SLA: variants seen among roughly 807,000 people sequenced by gnomAD.
SLA encodes src-like-adapter.
Under a neutral mutation model 30.3 loss-of-function variants are expected in SLA, and 16 were observed. The observed-to-expected ratio is 0.53, with a 90% CI of 0.36 to 0.80. The LOEUF (loss-of-function observed/expected upper bound fraction) is 0.80. SLA is among the 30% of genes least tolerant of loss of function. The pLI, the probability that SLA is intolerant of heterozygous loss-of-function variation, is 0.01. For missense variants in SLA, 310 were observed against 345.2 expected, an observed-to-expected ratio of 0.90 and a Z score of 0.81; for synonymous variants, 143 against 137.8, an observed-to-expected ratio of 1.04 and a Z score of -0.26.
intron 2 of SLA, among the ~76,000 whole-genome samples, chr8:133,065,105 T>A (rs1842866641): frequency 6.6e-6 from 1 of 152,192 alleles, no homozygotes; most frequent in Non-Finnish European, 1.5e-5. Context: ...CATGGAAGTG[T>A]GGTGCGGCAA....
chr8:133,069,364 A>G lies in SLA; in HGVS notation c.-41+5489T>C, dbSNP rs1843598850. Among the ~76,000 whole-genome samples the G allele has an allele frequency of 2.0e-5, 3 of 152,332 alleles. No individual in the cohort carries two copies. The South Asian group carries it at 6.2e-4, about 32-fold the overall frequency. On this transcript the variant is annotated intron_variant, in intron 2 of 8. Transcript: ENST00000338087. The stretch of plus-strand genomic sequence containing the variant: ...GTGACCTGATCTGGGATCTCCCCTC[A>G]CTGTCAGTCACTTGTCCAGGGACAT...
At chr8:133,042,678 C>CTTTTTTTTTTTTTTTTTTTTT (rs58739514) in intron 7 of SLA, among the ~76,000 whole-genome samples, 1 of 56,732 alleles carries the variant, frequency 1.8e-5, no homozygotes, top group Non-Finnish European at 3.2e-5. Flanking sequence ...CATTCTGTGT[C>CTTTTTTTTTTTTTTTTTTTTT]TTTTTTTTTT....
At chr8:133,056,123 G>T (rs1326446268) in intron 3 of SLA, among the ~76,000 whole-genome samples, 1 of 152,130 alleles carries the variant, frequency 6.6e-6, no homozygotes, top group Non-Finnish European at 1.5e-5. Context: ...GGTCTCCTTT[G>T]ACATAGTTGA....
At chr8:133,093,906 G>A (rs1206290872) in intron 1 of SLA, among the ~76,000 whole-genome samples, 4 of 152,158 alleles carry the variant, frequency 2.6e-5, no homozygotes, top group Non-Finnish European at 5.9e-5. Flanking sequence ...AGCTGAAATA[G>A]GGAACCTCTT....
At chr8:133,079,824 T>G (rs920116459) in intron 1 of SLA, among the ~76,000 whole-genome samples, 1 of 152,126 alleles carries the variant, frequency 6.6e-6, no homozygotes, top group African/African-American at 2.4e-5. Context: ...ACTTATTGAA[T>G]GCAAGGCATG....
chr8:133,102,302 C>T (rs781499861), intron 1 of SLA: 60 of 433,790 alleles, frequency 1.4e-4, no homozygotes, highest in Non-Finnish European at 2.2e-4. Flanking sequence ...CAGCTGGATC[C>T]CAGTCCACAA....
intron 1 of SLA, among the ~76,000 whole-genome samples, chr8:133,079,419 T>C (rs1299799928): frequency 1.3e-5 from 2 of 152,210 alleles, no homozygotes; most frequent in Non-Finnish European, 2.9e-5. Context: ...TTCCCCTATG[T>C]AAAAACTAGC....
chr8:133,050,602 A>G, intron 4 of SLA: 1 of 490,900 alleles, frequency 2.0e-6, no homozygotes, highest in Non-Finnish European at 3.6e-6. Context: ...AAGGAATTTA[A>G]ATTTGATCTA....
At chr8:133,086,172 T>G (rs1270585070) in intron 1 of SLA, among the ~76,000 whole-genome samples, 2 of 152,096 alleles carry the variant, frequency 1.3e-5, no homozygotes, top group East Asian at 3.9e-4. Flanking sequence ...AGACAGAAAG[T>G]AGATTAGTGA....
intron 7 of SLA, among the ~76,000 whole-genome samples, chr8:133,043,880 G>A (rs1039084691): frequency 1.3e-5 from 2 of 152,234 alleles, no homozygotes; most frequent in Non-Finnish European, 2.9e-5. Flanking sequence ...CAAAGCAAAA[G>A]CAACCTCTTT....
At chr8:133,096,676 A>G (rs1319744118) in intron 1 of SLA, among the ~76,000 whole-genome samples, 1 of 152,192 alleles carries the variant, frequency 6.6e-6, no homozygotes, top group East Asian at 1.9e-4. Context: ...GGACCATGCC[A>G]CCCATATTTC....
At chr8:133,081,646 G>C (rs1172685228) in intron 1 of SLA, among the ~76,000 whole-genome samples, 3 of 152,216 alleles carry the variant, frequency 2.0e-5, no homozygotes, top group Admixed American at 2.0e-4. Context: ...GAGCTGCACA[G>C]ATATGTTGAT....
chr8:133,057,336 T>C (rs906315766), intron 3 of SLA, among the ~76,000 whole-genome samples: 7 of 152,216 alleles, frequency 4.6e-5, no homozygotes, highest in African/African-American at 1.7e-4. Flanking sequence ...GTACTGCCCA[T>C]GTCTGGTACA....
intron 3 of SLA, among the ~76,000 whole-genome samples, chr8:133,055,258 C>T (rs1841165266): frequency 6.6e-6 from 1 of 151,928 alleles, no homozygotes; most frequent in Non-Finnish European, 1.5e-5. Flanking sequence ...GGGATTGCAG[C>T]CTCTTGTTTT....
rs1003403314 is a variant in SLA, at chr8:133,062,553, C to T, written c.-40-2353G>A. On this transcript the variant is annotated intron_variant, in intron 2 of 8. Coordinates refer to ENST00000338087, the MANE Select transcript of SLA (RefSeq NM_001045556.3). ...GTGGGAGTGTGCTGCCTCCGAGGCC[C>T]GGGTCAGGCAAGAGGGAAGAGGCAA... Among the ~76,000 whole-genome samples the T allele has an allele frequency of 7.9e-5, 12 of 152,356 alleles. No homozygotes were observed. In the South Asian group the frequency reaches 1.2e-3, roughly 16 times the overall value.
chr8:133,058,565 C>A (rs914503012), intron 3 of SLA, among the ~76,000 whole-genome samples: 2 of 152,160 alleles, frequency 1.3e-5, no homozygotes, highest in Admixed American at 1.3e-4. Context: ...GGGTGCCTCC[C>A]CAGCCTGCCT....
chr8:133,088,205 G>A (rs1846916840), intron 1 of SLA, among the ~76,000 whole-genome samples: 1 of 152,156 alleles, frequency 6.6e-6, no homozygotes, highest in African/African-American at 2.4e-5. Flanking sequence ...AACATGGTGT[G>A]TTTTTGAGCC....
At position 133,069,225 on chromosome 8, in the gene SLA, A is replaced by G. The variant is rs114650264; in HGVS notation, c.-41+5628T>C. Reference sequence around the variant, plus strand: ...GTCCGTGATTTCTTTATTGCATCGTATTTCCCAGCAAGAGTTACTTTTCCT... The same window carrying G: ...GTCCGTGATTTCTTTATTGCATCGTGTTTCCCAGCAAGAGTTACTTTTCCT... On this transcript the variant is annotated intron_variant, in intron 2 of 8. Transcript: ENST00000338087. 5.0e-3 allele frequency among the ~76,000 whole-genome samples: 757 copies of G among 152,340 alleles called. 12 individuals are homozygous for G. The highest frequency in any genetic ancestry group is 0.017 in the African/African-American group (727 of 41,568).
chr8:133,042,908 A>G (rs1838584930), intron 7 of SLA, among the ~76,000 whole-genome samples: 1 of 151,664 alleles, frequency 6.6e-6, no homozygotes, highest in Non-Finnish European at 1.5e-5. Context: ...TGGTCAGACT[A>G]GCCTCGAACT....
Sources: gnomAD v4.1 joint callset for allele counts (sites outside exome capture counted in the v4.1 genomes callset) on GRCh38, gnomAD v4.1.1 for gene constraint, MANE v1.5 for transcripts, NCBI Gene and HGNC (gene_info 2026-07-23, HGNC 2026-07-21) for gene names.